AKAP6: variants seen among roughly 807,000 people sequenced by gnomAD.
The protein encoded by AKAP6 is A-kinase anchoring protein 6.
Under a neutral mutation model 188.5 loss-of-function variants are expected in AKAP6, and 58 were observed. The observed-to-expected ratio is 0.31, with a 90% CI of 0.25 to 0.38. The LOEUF is 0.38. Among genes scored for constraint, AKAP6 ranks in the 10% least tolerant of loss-of-function variants. The pLI is 1.00. For synonymous variants in AKAP6, 989 were observed against 998.6 expected, an observed-to-expected ratio of 0.99 and a Z score of 0.18; for missense variants, 2,710 against 2,740.0, an observed-to-expected ratio of 0.99 and a Z score of 0.24.
At chr14:32,379,741 G>C (rs1442974076) in intron 1 of AKAP6, among the ~76,000 whole-genome samples, 1 of 152,114 alleles carries the variant, frequency 6.6e-6, no homozygotes, top group Non-Finnish European at 1.5e-5. Context: ...ACTGAGCTCA[G>C]CAACTCCTGT....
At chr14:32,789,524 C>T (rs1319537922) in intron 12 of AKAP6, among the ~76,000 whole-genome samples, 24 of 152,218 alleles carry the variant, frequency 1.6e-4, no homozygotes, top group Admixed American at 1.6e-3. Context: ...GAGGAAGGAG[C>T]TGGCTGCCAT....
intron 7 of AKAP6, among the ~76,000 whole-genome samples, chr14:32,603,479 G>A (rs751736104): frequency 3.9e-5 from 6 of 152,130 alleles, no homozygotes; most frequent in Non-Finnish European, 8.8e-5. Context: ...TATTATCAGA[G>A]GAGAAACATT....
At chr14:32,685,724 C>CAAAA (rs71115091) in intron 8 of AKAP6, among the ~76,000 whole-genome samples, 9 of 86,166 alleles carry the variant, frequency 1.0e-4, no homozygotes, top group Admixed American at 1.3e-4. Flanking sequence ...GACTCCATCT[C>CAAAA]AAAAAAAAAA....
chr14:32,409,005 G>T (rs533497311), intron 1 of AKAP6, among the ~76,000 whole-genome samples: 1 of 152,234 alleles, frequency 6.6e-6, no homozygotes, highest in Non-Finnish European at 1.5e-5. Flanking sequence ...TTTGATACCA[G>T]CCTGGCCAAC....
rs754806866 is a variant in AKAP6, at chr14:32,822,061, G to A, written c.4248G>A (p.Glu1416=). 9.3e-6 allele frequency: 15 copies of A among 1,613,800 alleles called. No individual in the cohort carries two copies. In the East Asian group the frequency reaches 2.0e-4, roughly 22 times the overall value. ...VNVLKQKFTD[E]GESIKLPNSS... is the part of the protein sequence containing the mutation. ...TGTTAAAGCAAAAATTTACAGATGAGGGGGAAAGCATTAAGCTTCCAAATA... is the reference window on the plus strand; with the variant it reads ...TGTTAAAGCAAAAATTTACAGATGAAGGGGAAAGCATTAAGCTTCCAAATA... Residue 1416 remains glutamate (E), a synonymous_variant, in exon 13 of 14, where the codon GAG becomes GAA. Transcript: ENST00000280979.
At chr14:32,718,533 C>G (rs1010871701) in intron 9 of AKAP6, among the ~76,000 whole-genome samples, 9 of 152,302 alleles carry the variant, frequency 5.9e-5, no homozygotes, top group Middle Eastern at 3.4e-3. Flanking sequence ...TGAGAAAACA[C>G]TGCCTCATAA....
chr14:32,431,450 CAT>C lies in AKAP6; in HGVS notation c.-34-2005_-34-2004del, dbSNP rs1391084594. Among the ~76,000 whole-genome samples the C allele has an allele frequency of 5.3e-5, 8 of 152,272 alleles. No individual in the cohort carries two copies. The East Asian group carries it at 1.5e-3, about 29-fold the overall frequency. The stretch of plus-strand genomic sequence containing the variant: ...TCAAAGTGATAAACCTACTTTATAA[CAT>C]ATATTTTGCTTTTTGCAAATAACTT... On this transcript the variant is annotated intron_variant, in intron 1 of 13. Coordinates refer to ENST00000280979, the MANE Select transcript of AKAP6 (RefSeq NM_004274.5).
rs1255162929 is a variant in AKAP6, at chr14:32,418,530, C to T, written c.-34-14930C>T. 4.6e-5 allele frequency among the ~76,000 whole-genome samples: 7 copies of T among 152,212 alleles called. No individual in the cohort carries two copies. In the East Asian group the frequency reaches 1.4e-3, roughly 29 times the overall value. The stretch of plus-strand genomic sequence containing the variant: ...CAGAGGGGAGAGAATATGGGTTGAC[C>T]TATTATAATGTTCAGCATTCCGTCC... On this transcript the variant is annotated intron_variant, in intron 1 of 13. Coordinates refer to ENST00000280979, the MANE Select transcript of AKAP6 (RefSeq NM_004274.5).
chr14:32,564,306 A>G (rs564575935), intron 4 of AKAP6, among the ~76,000 whole-genome samples: 1 of 152,346 alleles, frequency 6.6e-6, no homozygotes, highest in Non-Finnish European at 1.5e-5. Flanking sequence ...TGTATTTATA[A>G]TACATATTTA....
intron 2 of AKAP6, among the ~76,000 whole-genome samples, chr14:32,472,040 A>G (rs377535071): frequency 2.0e-5 from 3 of 152,102 alleles, no homozygotes; most frequent in East Asian, 3.9e-4. Flanking sequence ...GTTCCCAGGA[A>G]TCGGATTCTG....
chr14:32,823,709 A>G lies in AKAP6; in HGVS notation c.5896A>G (p.Asn1966Asp), dbSNP rs533221105. ...TAGACATCTTCCAAAGAAATGTCCA[A>G]ATCACCACCATTTTGAAAATCAAAG... ...DVRHLPKKCP[N>D]HHHFENQSTA... The change falls in exon 13 of 14, where the codon AAT (asparagine) becomes GAT (aspartate). Residue 1966 changes from asparagine (N) to aspartate (D), a missense_variant. By Grantham distance (23) the Asn-to-Asp change is conservative (BLOSUM62 1). This residue lies in a region of AKAP6 where 2,473 missense variants were observed against 2,426.1 expected (regional missense o/e 1.02). Coordinates refer to ENST00000280979, the MANE Select transcript of AKAP6 (RefSeq NM_004274.5). 1.5e-5 allele frequency: 24 copies of G among 1,613,680 alleles called. No homozygotes were observed. Among genetic ancestry groups the G allele is most frequent in the Non-Finnish European group, 1.9e-5 (23 of 1,179,918 alleles).
intron 1 of AKAP6, among the ~76,000 whole-genome samples, chr14:32,412,839 A>G (rs1258144469): frequency 1.3e-5 from 2 of 152,210 alleles, no homozygotes; most frequent in East Asian, 1.9e-4. Context: ...GTCTAGACCT[A>G]TATTTCTTAA....
At chr14:32,378,790 A>G (rs978509765) in intron 1 of AKAP6, among the ~76,000 whole-genome samples, 2 of 152,206 alleles carry the variant, frequency 1.3e-5, no homozygotes, top group African/African-American at 4.8e-5. Context: ...TTTTATTTTG[A>G]CACTCTCACA....
chr14:32,428,791 C>T (rs933300986), intron 1 of AKAP6, among the ~76,000 whole-genome samples: 1 of 152,072 alleles, frequency 6.6e-6, no homozygotes, highest in Non-Finnish European at 1.5e-5. Flanking sequence ...GACATGAGAT[C>T]GCAGAAACAG....
At chr14:32,492,672 T>C (rs924387140) in intron 2 of AKAP6, among the ~76,000 whole-genome samples, 3 of 152,036 alleles carry the variant, frequency 2.0e-5, no homozygotes, top group African/African-American at 7.2e-5. Context: ...AGGATATAAC[T>C]GACCACAGAA....
rs1887430263 is a variant in AKAP6, at chr14:32,354,965, A to C, written c.-35+25557A>C. 2.6e-5 allele frequency among the ~76,000 whole-genome samples: 4 copies of C among 152,184 alleles called. No individual in the cohort carries two copies. In the South Asian group the frequency reaches 8.3e-4, roughly 32 times the overall value. ...TTTCTCCCAGCCCAGGGGTGGACATATGACCCTGAGTCAGGCCAAGCTGAC... is the reference window on the plus strand; with the variant it reads ...TTTCTCCCAGCCCAGGGGTGGACATCTGACCCTGAGTCAGGCCAAGCTGAC... On this transcript the variant is annotated intron_variant, in intron 1 of 13. Coordinates refer to ENST00000280979, the MANE Select transcript of AKAP6 (RefSeq NM_004274.5).
chr14:32,463,595 A>T (rs1278722737), intron 2 of AKAP6, among the ~76,000 whole-genome samples: 1 of 152,226 alleles, frequency 6.6e-6, no homozygotes, highest in African/African-American at 2.4e-5. Flanking sequence ...GGCCACATCT[A>T]AAGCAGTGTT....
At chr14:32,602,598 T>C (rs184823295) in intron 7 of AKAP6, among the ~76,000 whole-genome samples, 48 of 152,340 alleles carry the variant, frequency 3.2e-4, no homozygotes, top group African/African-American at 1.2e-3. Context: ...TTAAAAAAGC[T>C]TCATTGTATT....
At chr14:32,628,687 T>C (rs1344457858) in intron 7 of AKAP6, among the ~76,000 whole-genome samples, 2 of 151,112 alleles carry the variant, frequency 1.3e-5, no homozygotes, top group East Asian at 1.9e-4. Flanking sequence ...CTTTCCTCCC[T>C]TTTTCTCTTC....
Sources: gnomAD v4.1 joint callset for allele counts (sites outside exome capture counted in the v4.1 genomes callset) on GRCh38, gnomAD v4.1.1 for gene constraint, gnomAD v4.1.1 regional missense constraint, MANE v1.5 for transcripts, NCBI Gene and HGNC (gene_info 2026-07-23, HGNC 2026-07-21) for gene names.